TRIM3: variants seen among roughly 807,000 people sequenced by gnomAD.
TRIM3 encodes the protein tripartite motif-containing protein 3.
A neutral mutation model predicts 66.6 loss-of-function variants in TRIM3; 13 were observed. That is an observed-to-expected ratio of 0.20 (90% CI 0.13 to 0.31). The LOEUF is 0.31. TRIM3 is among the 10% of genes least tolerant of loss of function. The pLI is 1.00. For synonymous variants in TRIM3, 406 were observed against 411.7 expected (o/e 0.99, Z 0.17); for missense variants, 711 against 1,020.4 (o/e 0.70, Z 4.13).
chr11:6,457,055 G>C lies in TRIM3; in HGVS notation c.697-26C>G. On this transcript the variant is annotated intron_variant, in intron 5 of 11. Coordinates refer to ENST00000345851, the MANE Select transcript of TRIM3 (RefSeq NM_033278.4). The surrounding 1 kb of genome is among the most constrained non-coding windows in gnomAD (Gnocchi z 4.5). Reference sequence around the variant, plus strand: ...CTGATGAGGGGTAGGGGAGGAGTGGGTGAGCAGACTGGCACAGGGGGAGTC... The same window carrying C: ...CTGATGAGGGGTAGGGGAGGAGTGGCTGAGCAGACTGGCACAGGGGGAGTC... The C allele has an allele frequency of 1.3e-6, 2 of 1,570,942 alleles. No homozygotes were observed. The highest frequency in any genetic ancestry group is 2.7e-5 in the African/African-American group (2 of 74,612).
At chr11:6,471,328 T>C (rs1850678464) in intron 1 of TRIM3, among the ~76,000 whole-genome samples, 1 of 152,246 alleles carries the variant, frequency 6.6e-6, no homozygotes, top group Non-Finnish European at 1.5e-5. Flanking sequence ...TCCAGGTTTA[T>C]CTGATCATTT....
intron 7 of TRIM3, among the ~76,000 whole-genome samples, chr11:6,454,851 T>C (rs1228736680): frequency 2.0e-5 from 3 of 152,018 alleles, no homozygotes; most frequent in Non-Finnish European, 2.9e-5. Context: ...ATGACATGAG[T>C]ACTCAAGCAG....
In TRIM3 at chr11:6,450,886, CT is replaced by C. The variant is rs754747895; in HGVS notation, c.1870+5del. ...CAGCATAGATCTTGGAGCTGTCCCC[CT>C]ATACCTGCAAAGTGGCGGTCAGTGG... On this transcript the variant is annotated splice_donor_5th_base_variant and intron_variant, in intron 9 of 11. Transcript: ENST00000345851. This position sits in a 1 kb window ranked among gnomAD's most constrained non-coding sequence, Gnocchi z 4.8. The C allele has an allele frequency of 4.3e-6, 7 of 1,614,006 alleles. No homozygotes were observed. Among genetic ancestry groups the C allele is most frequent in the African/African-American group, 4.0e-5 (3 of 74,914 alleles).
intron 7 of TRIM3, among the ~76,000 whole-genome samples, chr11:6,454,748 G>A (rs1216147276): frequency 1.3e-5 from 2 of 152,132 alleles, no homozygotes; most frequent in African/African-American, 4.8e-5. Flanking sequence ...TATGGCCACA[G>A]AAGAGTCCCT....
At chr11:6,453,342 T>C (rs956352824) in intron 7 of TRIM3, 1 of 152,216 alleles carries the variant, frequency 6.6e-6, no homozygotes, top group African/African-American at 2.4e-5. Flanking sequence ...ATTCTTGACA[T>C]TTGACGATTT....
At position 6,465,620 on chromosome 11, in the gene TRIM3, G is replaced by C. The variant is rs566733422; in HGVS notation, c.76C>G (p.Leu26Val). 6.2e-6 allele frequency: 10 copies of C among 1,614,196 alleles called. No homozygotes were observed. In the Admixed American group the frequency reaches 1.7e-4, roughly 27 times the overall value. Residue 26 changes from leucine to valine, a missense_variant, in exon 2 of 12, where the codon CTG (leucine) becomes GTG (valine). Coordinates refer to ENST00000345851, the MANE Select transcript of TRIM3 (RefSeq NM_033278.4). ...ACCTTGGGGCACTGGTACCGATCCA[G>C]GCAGATGCTGCATACCAGGAACTGC... ...DKQFLVCSICLDRYQCPKVLP... is the reference protein window; with the variant it reads ...DKQFLVCSICVDRYQCPKVLP...
At chr11:6,463,741 G>A (rs1230602633) in intron 2 of TRIM3, among the ~76,000 whole-genome samples, 1 of 152,170 alleles carries the variant, frequency 6.6e-6, no homozygotes, top group Admixed American at 6.5e-5. Flanking sequence ...ATAAGATTCT[G>A]GATTATAAGA....
rs140019131 is a variant in TRIM3, at chr11:6,461,641, A to T, written c.132-3345T>A. Among the ~76,000 whole-genome samples the T allele has an allele frequency of 2.1e-3, 315 of 151,058 alleles. 1 individual carries two copies. Among genetic ancestry groups the T allele is most frequent in the African/African-American group, 7.5e-3 (306 of 41,050 alleles). On this transcript the variant is annotated intron_variant, in intron 2 of 11. Coordinates refer to ENST00000345851, the MANE Select transcript of TRIM3 (RefSeq NM_033278.4). ...ACTATCACTGCATTTCAACCATTCT[A>T]CTCTATTCTTCAGCAGCTTTCTTCC...
Position 6,457,132 on chromosome 11 carries a change from T to C in TRIM3, c.697-103A>G, listed in dbSNP as rs1027979192. 3.3e-5 allele frequency: 51 copies of C among 1,526,302 alleles called. No individual in the cohort carries two copies. Among genetic ancestry groups the C allele is most frequent in the Middle Eastern group, 2.0e-4 (1 of 4,990 alleles). The allele number at this position is 1,526,302 out of a possible 1,614,324, so 94.5% of individuals were successfully genotyped here. A position where few individuals can be genotyped will look rare whatever the true frequency, so the allele number is the denominator to read the frequency against. Reference sequence around the variant, plus strand: ...GTGGCATAAAATACAAGAGGGTGCCTGTGGACAGAGGACACAGATGCCCAC... The same window carrying C: ...GTGGCATAAAATACAAGAGGGTGCCCGTGGACAGAGGACACAGATGCCCAC... On this transcript the variant is annotated intron_variant, in intron 5 of 11. Transcript: ENST00000345851. This position sits in a 1 kb window ranked among gnomAD's most constrained non-coding sequence, Gnocchi z 4.5.
At position 6,458,455 on chromosome 11, in the gene TRIM3, T is replaced by G; in HGVS notation, c.132-159A>C. On this transcript the variant is annotated intron_variant, in intron 2 of 11. Coordinates refer to ENST00000345851, the MANE Select transcript of TRIM3 (RefSeq NM_033278.4). This position sits in a 1 kb window ranked among gnomAD's most constrained non-coding sequence, Gnocchi z 6.2. ...GACACATCTCATCTGCCAGCAGGTA[T>G]AATGGCCTTGCCCCTTACAACTGAG... The G allele has an allele frequency of 1.6e-6, 1 of 640,490 alleles. No individual in the cohort carries two copies. The highest frequency in any genetic ancestry group is 2.0e-5 in the South Asian group (1 of 50,958). The allele number at this position is 640,490 out of a possible 1,614,324, so 39.7% of individuals were successfully genotyped here.
At chr11:6,451,930 T>C (rs1849739720) in intron 7 of TRIM3, 1 of 153,994 alleles carries the variant, frequency 6.5e-6, no homozygotes, top group Admixed American at 6.5e-5. Context: ...AGTGACAAGA[T>C]CAATTTTGCT....
In TRIM3 at chr11:6,451,684, T is replaced by A. The variant is rs531136673; in HGVS notation, c.1534-246A>T. Reference sequence around the variant, plus strand: ...GAGAAAAGGCTCCAAGAGAAGAAGATGTCTGAACAAATAGCCTAATGAGGA... The same window carrying A: ...GAGAAAAGGCTCCAAGAGAAGAAGAAGTCTGAACAAATAGCCTAATGAGGA... On this transcript the variant is annotated intron_variant, in intron 7 of 11. Coordinates refer to ENST00000345851, the MANE Select transcript of TRIM3 (RefSeq NM_033278.4). 118 of 518,240 alleles carry A rather than the reference T, an allele frequency of 2.3e-4. 1 individual carries two copies. In the South Asian group the frequency reaches 2.6e-3, roughly 11 times the overall value. 32.1% of individuals were successfully genotyped at this position (518,240 alleles called of 1,614,324 possible).
intron 1 of TRIM3, among the ~76,000 whole-genome samples, chr11:6,468,295 T>C (rs549265561): frequency 4.7e-4 from 72 of 152,312 alleles, no homozygotes; most frequent in Middle Eastern, 6.8e-3. Flanking sequence ...GTATGCTAAG[T>C]ACAATGTGTC....
At chr11:6,451,501 A>G (rs1849718797) in intron 7 of TRIM3, 63 bp from the exon 8 acceptor site, 2 of 1,572,924 alleles carry the variant, frequency 1.3e-6, no homozygotes, top group South Asian at 2.3e-5. Flanking sequence ...CACAGACAGA[A>G]GGGAGTAGGA....
upstream of TRIM3, chr11:6,474,004 G>A (rs944230615): frequency 6.6e-6 from 1 of 151,214 alleles, no homozygotes; most frequent in South Asian, 2.1e-4. Flanking sequence ...CTCCAGTAGG[G>A]AAGACCCACC....
intron 2 of TRIM3, among the ~76,000 whole-genome samples, chr11:6,461,860 A>G (rs1188606388): frequency 6.6e-6 from 1 of 152,186 alleles, no homozygotes; most frequent in Non-Finnish European, 1.5e-5. Flanking sequence ...CCCTGTATAT[A>G]TATATTTTTA....
rs750232343 is a variant in TRIM3 at position 6,456,497 on chromosome 11, C to T, written c.1229G>A (p.Arg410His). ...LSVLLYGQPV[R>H]GSPFRVRALR... The stretch of plus-strand genomic sequence containing the variant: ...GGCACGCACGCGGAAGGGGCTGCCG[C>T]GCACTGGCTGTCCGTAGAGCAGCAC... The change falls in exon 6 of 12, where the codon CGC becomes CAC. Residue 410 changes from arginine to histidine, a missense_variant. Coordinates refer to ENST00000345851, the MANE Select transcript of TRIM3 (RefSeq NM_033278.4). The surrounding 1 kb of genome is among the most constrained non-coding windows in gnomAD (Gnocchi z 6.4). 3.8e-6 allele frequency: 6 copies of T among 1,572,710 alleles called. No individual in the cohort carries two copies. In the Admixed American group the frequency reaches 8.7e-5, roughly 23 times the overall value.
Position 6,451,357 on chromosome 11 carries a change from C to T in TRIM3, c.1615G>A (p.Val539Met), listed in dbSNP as rs753054514. 1 of 1,614,256 alleles carries T rather than the reference C, an allele frequency of 6.2e-7. No homozygotes were observed. The highest frequency in any genetic ancestry group is 1.1e-5 in the South Asian group (1 of 91,082). The change falls in exon 8 of 12, where the codon GTG (valine) becomes ATG (methionine). Residue 539 changes from valine to methionine, a missense_variant. This residue lies in a region of TRIM3 where 163 missense variants were observed against 321.9 expected (regional missense o/e 0.51). Coordinates refer to ENST00000345851, the MANE Select transcript of TRIM3 (RefSeq NM_033278.4). ...ATGTCTCCATTGGTGTCCACTGCCACACCTGTGGGGCGCTGCAGCTGCCCA... is the reference window on the plus strand; with the variant it reads ...ATGTCTCCATTGGTGTCCACTGCCATACCTGTGGGGCGCTGCAGCTGCCCA... ...SPGQLQRPTG[V>M]AVDTNGDIIV... is the part of the protein sequence containing the mutation.
chr11:6,468,118 T>C (rs1004412713), intron 1 of TRIM3, among the ~76,000 whole-genome samples: 3 of 152,204 alleles, frequency 2.0e-5, no homozygotes, highest in African/African-American at 4.8e-5. Flanking sequence ...ACCCCATCTC[T>C]ATAAAAATAA....
Sources: allele counts gnomAD v4.1 joint callset (sites outside exome capture counted in the v4.1 genomes callset), GRCh38; gene constraint gnomAD v4.1.1; regional missense constraint gnomAD v4.1.1; non-coding constraint Gnocchi (gnomAD v3.1); transcripts MANE v1.5; gene names NCBI Gene and HGNC (gene_info 2026-07-23, HGNC 2026-07-21).